Variants in RAB11FIP4 observed in about 807,000 individuals in gnomAD.
RAB11FIP4 encodes RAB11 family interacting protein 4.
In RAB11FIP4, 23 loss-of-function variants were observed where a neutral mutation model predicts 74.3. That is an observed-to-expected ratio of 0.31 (90% CI 0.22 to 0.44). The LOEUF is 0.44. Ranked by LOEUF, RAB11FIP4 falls within the 20% of genes least tolerant of loss-of-function variation. The pLI is 1.00. For missense variants in RAB11FIP4, 630 were observed against 863.9 expected, an observed-to-expected ratio of 0.73 and a Z score of 3.39; for synonymous variants, 360 against 359.9, an observed-to-expected ratio of 1.00 and a Z score of 0.00.
chr17:31,419,331 T>G (rs2071177285), intron 1 of RAB11FIP4, among the ~76,000 whole-genome samples: 1 of 151,714 alleles, frequency 6.6e-6, no homozygotes, highest in Admixed American at 6.6e-5. Context: ...ATTTTGCCAC[T>G]TGATTTCTCT....
chr17:31,490,128 A>G (rs999005418), intron 3 of RAB11FIP4, among the ~76,000 whole-genome samples: 8 of 152,116 alleles, frequency 5.3e-5, no homozygotes, highest in African/African-American at 1.9e-4. Context: ...TCTGGGCTGC[A>G]GCTTGAGATA....
At chr17:31,509,079 C>T (rs2072405802) in intron 3 of RAB11FIP4, 1 of 152,638 alleles carries the variant, frequency 6.6e-6, no homozygotes, top group Admixed American at 6.5e-5. Context: ...CTGTTCAGCA[C>T]CAACCTGAGG....
rs184302523 is a variant in RAB11FIP4, at chr17:31,523,277, C to T, written c.930-235C>T. The T allele has an allele frequency of 8.8e-4, 501 of 569,028 alleles. 3 individuals carry two copies. The highest frequency in any genetic ancestry group is 8.2e-3 in the African/African-American group (440 of 53,438). The allele number at this position is 569,028 out of a possible 1,614,324, so 35.2% of individuals were successfully genotyped here. ...TTCTGAGGCCGCAGGAGAAGCTGTGCGTCATTGGCTGTGTCTGCCAGGGGA... is the reference window on the plus strand; with the variant it reads ...TTCTGAGGCCGCAGGAGAAGCTGTGTGTCATTGGCTGTGTCTGCCAGGGGA... On this transcript the variant is annotated intron_variant, in intron 7 of 14. Transcript: ENST00000621161.
intron 1 of RAB11FIP4, among the ~76,000 whole-genome samples, chr17:31,427,052 T>C (rs545633402): frequency 6.6e-6 from 1 of 151,966 alleles, no homozygotes; most frequent in South Asian, 2.1e-4. Flanking sequence ...TCCACCTCCC[T>C]GTTTCAAACG....
chr17:31,441,586 A>C (rs2071407434), intron 3 of RAB11FIP4, among the ~76,000 whole-genome samples: 1 of 151,200 alleles, frequency 6.6e-6, no homozygotes, highest in African/African-American at 2.4e-5. Context: ...GGAGTGCAGC[A>C]GTGTGATCTC....
intron 3 of RAB11FIP4, among the ~76,000 whole-genome samples, chr17:31,441,503 A>G (rs1326668901): frequency 1.3e-5 from 2 of 151,320 alleles, no homozygotes; most frequent in Admixed American, 6.6e-5. Context: ...TGATAACCCT[A>G]TTAAACTCTC....
chr17:31,485,760 G>T (rs1947528059), intron 3 of RAB11FIP4, among the ~76,000 whole-genome samples: 1 of 152,042 alleles, frequency 6.6e-6, no homozygotes, highest in African/African-American at 2.4e-5. Flanking sequence ...ACTGTGCTAG[G>T]GTGTACAACA....
Position 31,534,928 on chromosome 17 carries a change from A to G in RAB11FIP4, c.*3196A>G, listed in dbSNP as rs572540583. 2 of 154,450 alleles carry G rather than the reference A, an allele frequency of 1.3e-5. No homozygotes were observed. Among genetic ancestry groups the G allele is most frequent in the Non-Finnish European group, 2.9e-5 (2 of 68,200 alleles). The allele number at this position is 154,450 out of a possible 1,614,324, so 9.6% of individuals were successfully genotyped here. ...GGAGTGAGCTTCGTGTACATTATCTATTAGAAAATGAAGTACCTTCTGGTT... is the reference window on the plus strand; with the variant it reads ...GGAGTGAGCTTCGTGTACATTATCTGTTAGAAAATGAAGTACCTTCTGGTT... On this transcript the variant is annotated 3_prime_UTR_variant, in exon 15 of 15. Transcript: ENST00000621161.
intron 3 of RAB11FIP4, among the ~76,000 whole-genome samples, chr17:31,474,438 G>C (rs1395932565): frequency 6.6e-6 from 1 of 152,110 alleles, no homozygotes; most frequent in Non-Finnish European, 1.5e-5. Context: ...TTGGGAGGCC[G>C]AGGAGGGTGG....
At chr17:31,396,020 C>CA (rs1296379277) in intron 1 of RAB11FIP4, among the ~76,000 whole-genome samples, 1 of 151,622 alleles carries the variant, frequency 6.6e-6, no homozygotes, top group Non-Finnish European at 1.5e-5. Flanking sequence ...CCCATCTCTA[C>CA]AAAAAATACA....
chr17:31,429,449 G>A (rs190342163), intron 1 of RAB11FIP4, among the ~76,000 whole-genome samples: 1 of 152,280 alleles, frequency 6.6e-6, no homozygotes, highest in Admixed American at 6.5e-5. Context: ...TAGCTCACCA[G>A]TCAGAAAGGC....
chr17:31,500,992 C>T (rs890192559), intron 3 of RAB11FIP4, among the ~76,000 whole-genome samples: 4 of 150,570 alleles, frequency 2.7e-5, no homozygotes, highest in Admixed American at 1.3e-4. Flanking sequence ...CACTGCACTC[C>T]AGCCTGGTGA....
intron 3 of RAB11FIP4, among the ~76,000 whole-genome samples, chr17:31,443,127 A>G (rs1289489742): frequency 6.6e-6 from 1 of 152,094 alleles, no homozygotes; most frequent in African/African-American, 2.4e-5. Context: ...TAAAATTAGA[A>G]CCCCTCTTTT....
At chr17:31,412,128 C>G (rs1013891450) in intron 1 of RAB11FIP4, among the ~76,000 whole-genome samples, 1 of 152,204 alleles carries the variant, frequency 6.6e-6, no homozygotes, top group Non-Finnish European at 1.5e-5. Flanking sequence ...GCTGAACCCA[C>G]GAGCTGCAGG....
At chr17:31,503,011 A>G (rs1186597516) in intron 3 of RAB11FIP4, among the ~76,000 whole-genome samples, 1 of 129,956 alleles carries the variant, frequency 7.7e-6, no homozygotes, top group Non-Finnish European at 1.6e-5. Flanking sequence ...TAAATGAATT[A>G]CCTCTTTATT....
At chr17:31,467,580 T>C (rs916707029) in intron 3 of RAB11FIP4, among the ~76,000 whole-genome samples, 1 of 152,180 alleles carries the variant, frequency 6.6e-6, no homozygotes, top group Non-Finnish European at 1.5e-5. Context: ...TCCCCACTGA[T>C]CTCAGCCTCA....
chr17:31,466,412 T>C (rs2071686688), intron 3 of RAB11FIP4, among the ~76,000 whole-genome samples: 1 of 152,198 alleles, frequency 6.6e-6, no homozygotes, highest in Admixed American at 6.5e-5. Flanking sequence ...TAAGGTGTTA[T>C]GAGGATTAAA....
chr17:31,393,966 C>T (rs1262543159), intron 1 of RAB11FIP4, among the ~76,000 whole-genome samples: 2 of 152,138 alleles, frequency 1.3e-5, no homozygotes, highest in African/African-American at 4.8e-5. Context: ...GGTGGGGCTG[C>T]CTCTGAATGG....
chr17:31,417,254 G>C (rs2071157329), intron 1 of RAB11FIP4, among the ~76,000 whole-genome samples: 1 of 152,118 alleles, frequency 6.6e-6, no homozygotes, highest in Non-Finnish European at 1.5e-5. Flanking sequence ...CCCTGAGCAA[G>C]GATCTGGCCC....
Sources: allele counts gnomAD v4.1 joint callset (sites outside exome capture counted in the v4.1 genomes callset), GRCh38; gene constraint gnomAD v4.1.1; transcripts MANE v1.5; gene names NCBI Gene and HGNC (gene_info 2026-07-23, HGNC 2026-07-21).